Variants in INTS3 observed in about 807,000 individuals in gnomAD.
INTS3 encodes the protein integrator complex subunit 3, also known as SOSS complex subunit A.
Under a neutral mutation model 146.3 loss-of-function variants are expected in INTS3, and 34 were observed. The observed-to-expected ratio is 0.23, with a 90% CI of 0.18 to 0.31. The LOEUF (loss-of-function observed/expected upper bound fraction) is 0.31, where lower values mean the gene tolerates loss of function less well. Ranked by LOEUF, INTS3 falls within the 10% of genes least tolerant of loss-of-function variation. The pLI is 1.00. For synonymous variants in INTS3, 475 were observed against 494.9 expected, an observed-to-expected ratio of 0.96 and a Z score of 0.53; for missense variants, 757 against 1,304.2, an observed-to-expected ratio of 0.58 and a Z score of 6.46.
Position 153,772,212 on chromosome 1 carries a change from T to C in INTS3, c.2721-128T>C, listed in dbSNP as rs1490512795. 8.8e-7 allele frequency: 1 copy of C among 1,132,682 alleles called. No individual in the cohort carries two copies. Among genetic ancestry groups the C allele is most frequent in the Non-Finnish European group, 1.3e-6 (1 of 785,778 alleles). The allele number at this position is 1,132,682 out of a possible 1,614,324, so 70.2% of individuals were successfully genotyped here. A position where few individuals can be genotyped will look rare whatever the true frequency, so the allele number is the denominator to read the frequency against. ...CACCTTTCTCACCCAACCCCAGCCC[T>C]CCCAGGCTGCCTATCCTGTTCCCCA... On this transcript the variant is annotated intron_variant, in intron 26 of 29. Transcript: ENST00000318967. This position sits in a 1 kb window ranked among gnomAD's most constrained non-coding sequence, Gnocchi z 4.6.
intron 1 of INTS3, among the ~76,000 whole-genome samples, chr1:153,734,578 A>T (rs547790785): frequency 6.6e-6 from 1 of 152,298 alleles, no homozygotes; most frequent in Non-Finnish European, 1.5e-5. Context: ...CATAGAATTG[A>T]CTCAGGCCTC....
Position 153,728,062 on chromosome 1 carries a change from C to T in INTS3, c.-573C>T, listed in dbSNP as rs1207148761. 3 of 190,124 alleles carry T rather than the reference C, an allele frequency of 1.6e-5. No individual in the cohort carries two copies. The highest frequency in any genetic ancestry group is 2.5e-5 in the African/African-American group (1 of 40,200). The allele number at this position is 190,124 out of a possible 1,614,324, so 11.8% of individuals were successfully genotyped here. ...TCCCCCGCCCTCCGCCTTCCCACCC[C>T]CCGCCCTTCCACTATGGCCGCTTCT... On this transcript the variant is annotated 5_prime_UTR_variant, in exon 1 of 30. Transcript: ENST00000318967.
chr1:153,760,596 C>A, intron 12 of INTS3: 1 of 624,200 alleles, frequency 1.6e-6, no homozygotes, highest in East Asian at 2.7e-5. Context: ...TGGGGTTTCT[C>A]AATCACAAGG....
In INTS3 at chr1:153,728,097, G is replaced by C. The variant is rs1038932881; in HGVS notation, c.-538G>C. The C allele has an allele frequency of 2.6e-6, 1 of 388,082 alleles. No individual in the cohort carries two copies. The highest frequency in any genetic ancestry group is 4.5e-6 in the Non-Finnish European group (1 of 224,500). 24.0% of individuals were successfully genotyped at this position (388,082 alleles called of 1,614,324 possible). A position where few individuals can be genotyped will look rare whatever the true frequency, so the allele number is the denominator to read the frequency against. On this transcript the variant is annotated 5_prime_UTR_variant, in exon 1 of 30. Coordinates refer to ENST00000318967, the MANE Select transcript of INTS3 (RefSeq NM_023015.5). ...CACTATGGCCGCTTCTGTGTGGTGT[G>C]GGGAGACGCTGGTCCTCCCCGTCCT...
intron 19 of INTS3, 29 bp from the exon 20 acceptor site, chr1:153,764,915 G>C: frequency 6.2e-7 from 1 of 1,613,900 alleles, no homozygotes; most frequent in Non-Finnish European, 8.5e-7. Flanking sequence ...GTAAAGTTCT[G>C]TTCCTCTCCT....
At chr1:153,765,093 G>C in intron 20 of INTS3, 30 bp downstream of exon 20, 1 of 1,613,236 alleles carries the variant, frequency 6.2e-7, no homozygotes, top group Non-Finnish European at 8.5e-7. Context: ...TTCAAATGGT[G>C]TCAGGACACA....
rs1043124694 is a variant in INTS3 at position 153,771,837 on chromosome 1, G to A, written c.2594G>A (p.Cys865Tyr). 2.5e-6 allele frequency: 4 copies of A among 1,614,006 alleles called. No individual in the cohort carries two copies. The highest frequency in any genetic ancestry group is 2.7e-5 in the African/African-American group (2 of 75,038). Residue 865 changes from cysteine to tyrosine, a missense_variant, in exon 26 of 30, where the codon TGC (cysteine) becomes TAC (tyrosine). Physicochemically the swap from Cys to Tyr is radical, Grantham distance 194. Coordinates refer to ENST00000318967, the MANE Select transcript of INTS3 (RefSeq NM_023015.5). Reference sequence around the variant, plus strand: ...GTGAAGATGGTGCTGAGCCGGCCCTGCCATCCTGACGACCAGTTCACCACC... The same window carrying A: ...GTGAAGATGGTGCTGAGCCGGCCCTACCATCCTGACGACCAGTTCACCACC... The part of the protein sequence containing the change: ...EMVKMVLSRP[C>Y]HPDDQFTTSI...
chr1:153,738,115 A>G (rs1671371652), intron 1 of INTS3, among the ~76,000 whole-genome samples: 1 of 151,990 alleles, frequency 6.6e-6, no homozygotes, highest in Non-Finnish European at 1.5e-5. Flanking sequence ...CATAACTAAA[A>G]ACATTAACAA....
intron 3 of INTS3, among the ~76,000 whole-genome samples, chr1:153,745,873 A>G (rs1211509067): frequency 6.6e-6 from 1 of 152,166 alleles, no homozygotes; most frequent in Non-Finnish European, 1.5e-5. Flanking sequence ...GAGGAGGCCG[A>G]GGTGGGAGAA....
intron 20 of INTS3, chr1:153,766,848 C>A (rs1337657620): frequency 5.3e-5 from 8 of 151,690 alleles, no homozygotes; most frequent in Admixed American, 5.3e-4. Context: ...CACCACCACG[C>A]CCGGCTAACT....
At chr1:153,749,543 G>A (rs74115707) in intron 6 of INTS3, among the ~76,000 whole-genome samples, 3,984 of 152,292 alleles carry the variant, frequency 0.026, 177 homozygotes, top group African/African-American at 0.092. Flanking sequence ...GCTGTGTGCT[G>A]TGCTCTGCCC....
At chr1:153,760,132 T>C in intron 11 of INTS3, 179 bp from the exon 12 acceptor site, 1 of 591,274 alleles carries the variant, frequency 1.7e-6, no homozygotes, top group Non-Finnish European at 3.0e-6. Flanking sequence ...CTGGGGAGGT[T>C]GAGGCATGAG....
Position 153,747,139 on chromosome 1 carries a change from G to T in INTS3, c.432+69G>T, listed in dbSNP as rs1282725164. ...GATGGATCTTCTCTCTGTCAGGAAC[G>T]GGAAAGAGGAATCAGGGCTAACACA... On this transcript the variant is annotated intron_variant, in intron 4 of 29. Coordinates refer to ENST00000318967, the MANE Select transcript of INTS3 (RefSeq NM_023015.5). The T allele has an allele frequency of 3.0e-6, 4 of 1,346,166 alleles. No individual in the cohort carries two copies. The South Asian group carries it at 4.7e-5, about 16-fold the overall frequency. 83.4% of individuals were successfully genotyped at this position (1,346,166 alleles called of 1,614,324 possible).
At chr1:153,744,042 T>C (rs1004840867) in intron 3 of INTS3, among the ~76,000 whole-genome samples, 12 of 30,404 alleles carry the variant, frequency 3.9e-4, no homozygotes, top group East Asian at 3.6e-3. Context: ...CATGTGCGTG[T>C]GTGTGTGTGT....
chr1:153,740,643 C>T lies in INTS3; in HGVS notation c.151-8C>T. The T allele has an allele frequency of 6.2e-7, 1 of 1,611,984 alleles. No individual in the cohort carries two copies. The highest frequency in any genetic ancestry group is 8.5e-7 in the Non-Finnish European group (1 of 1,178,108). On this transcript the variant is annotated splice_region_variant and splice_polypyrimidine_tract_variant and intron_variant, in intron 1 of 29. Transcript: ENST00000318967. Reference sequence around the variant, plus strand: ...ACACACTGTTCATTTTTTCTCACCCCTTCCCAGAGATTGGAAAGGTGTATG... The same window carrying T: ...ACACACTGTTCATTTTTTCTCACCCTTTCCCAGAGATTGGAAAGGTGTATG...
intron 17 of INTS3, 89 bp downstream of exon 17, chr1:153,763,975 C>A (rs776174055): frequency 4.3e-5 from 58 of 1,358,298 alleles, no homozygotes; most frequent in Non-Finnish European, 6.0e-5. Context: ...CTTTTTCCCT[C>A]CCCTAGATGA....
In INTS3 at chr1:153,772,209, C is replaced by T; in HGVS notation, c.2721-131C>T. ...GCACACCTTTCTCACCCAACCCCAG[C>T]CCTCCCAGGCTGCCTATCCTGTTCC... On this transcript the variant is annotated intron_variant, in intron 26 of 29. Coordinates refer to ENST00000318967, the MANE Select transcript of INTS3 (RefSeq NM_023015.5). This position sits in a 1 kb window ranked among gnomAD's most constrained non-coding sequence, Gnocchi z 4.6. 1 of 1,097,542 alleles carries T rather than the reference C, an allele frequency of 9.1e-7. No homozygotes were observed. Among genetic ancestry groups the T allele is most frequent in the Non-Finnish European group, 1.3e-6 (1 of 756,990 alleles). 68.0% of individuals were successfully genotyped at this position (1,097,542 alleles called of 1,614,324 possible). A position where few individuals can be genotyped will look rare whatever the true frequency, so the allele number is the denominator to read the frequency against.
chr1:153,751,271 A>G, intron 7 of INTS3, 32 bp downstream of exon 7: 1 of 1,609,988 alleles, frequency 6.2e-7, no homozygotes. Context: ...AATGTGGGGA[A>G]GTGAGACTCA....
chr1:153,734,125 T>C (rs1018166844), intron 1 of INTS3, among the ~76,000 whole-genome samples: 5 of 152,074 alleles, frequency 3.3e-5, no homozygotes, highest in African/African-American at 1.2e-4. Context: ...TCCTAGAGAT[T>C]GTAAATATTT....
Sources: gnomAD v4.1 joint callset for allele counts (sites outside exome capture counted in the v4.1 genomes callset) on GRCh38, gnomAD v4.1.1 for gene constraint, Gnocchi (gnomAD v3.1) non-coding constraint, MANE v1.5 for transcripts, NCBI Gene and HGNC (gene_info 2026-07-23, HGNC 2026-07-21) for gene names.